Variants in PXK observed in about 807,000 individuals in gnomAD.
PXK encodes the protein PX domain containing serine/threonine kinase like, also known as PX domain-containing protein kinase-like protein.
In PXK, 35 loss-of-function variants were observed where a neutral mutation model predicts 84.7. The observed-to-expected ratio is 0.41, with a 90% CI of 0.32 to 0.55. The LOEUF (loss-of-function observed/expected upper bound fraction) is 0.55. Among genes scored for constraint, PXK ranks in the 20% least tolerant of loss-of-function variants. The probability of loss-of-function intolerance (pLI) is 0.21; values close to 1 mark genes in which losing one functional copy is unlikely to be tolerated. For synonymous variants in PXK, 253 were observed against 260.8 expected (o/e 0.97, Z 0.29); for missense variants, 634 against 699.7 (o/e 0.91, Z 1.06).
chr3:58,372,955 GA>G (rs760519539), intron 3 of PXK, among the ~76,000 whole-genome samples: 9 of 152,138 alleles, frequency 5.9e-5, no homozygotes, highest in Non-Finnish European at 1.0e-4. Flanking sequence ...ACAACGAAGG[GA>G]AAGAAGCAGG....
intron 17 of PXK, chr3:58,420,960 G>T: frequency 9.6e-7 from 1 of 1,042,340 alleles, no homozygotes; most frequent in Middle Eastern, 4.7e-4. Context: ...AGGCACTTGA[G>T]CTCTTAGTTA....
intron 1 of PXK, among the ~76,000 whole-genome samples, chr3:58,346,289 TG>T (rs1437259558): frequency 1.3e-5 from 2 of 151,256 alleles, no homozygotes. Context: ...ATTTGCTGTC[TG>T]TGTGCAAGGT....
intron 17 of PXK, among the ~76,000 whole-genome samples, chr3:58,418,381 A>G (rs954310518): frequency 5.3e-5 from 8 of 152,162 alleles, no homozygotes; most frequent in South Asian, 2.1e-4. Flanking sequence ...AGGTCACACA[A>G]GTTAGGGCGG....
chr3:58,415,531 C>G (rs1328265450), intron 17 of PXK, among the ~76,000 whole-genome samples: 3 of 152,238 alleles, frequency 2.0e-5, no homozygotes, highest in Non-Finnish European at 4.4e-5. Context: ...CTTCAGGAAC[C>G]TCCGCATGTT....
At chr3:58,394,152 C>G (rs984333184) in intron 7 of PXK, among the ~76,000 whole-genome samples, 1 of 152,176 alleles carries the variant, frequency 6.6e-6, no homozygotes, top group African/African-American at 2.4e-5. Context: ...CCTGGGTACA[C>G]CTTTCCACCC....
intron 1 of PXK, among the ~76,000 whole-genome samples, chr3:58,338,425 A>C (rs2097663531): frequency 6.6e-6 from 1 of 151,534 alleles, no homozygotes; most frequent in African/African-American, 2.4e-5. Flanking sequence ...AAGTTCGAGA[A>C]CAGCCTGGCC....
intron 1 of PXK, among the ~76,000 whole-genome samples, chr3:58,341,282 C>T (rs1257673732): frequency 6.6e-6 from 1 of 152,134 alleles, no homozygotes; most frequent in Non-Finnish European, 1.5e-5. Flanking sequence ...GTGTTTTGAG[C>T]CAGGCATGGT....
At chr3:58,366,354 G>C (rs975338149) in intron 2 of PXK, among the ~76,000 whole-genome samples, 2 of 152,222 alleles carry the variant, frequency 1.3e-5, no homozygotes, top group African/African-American at 4.8e-5. Context: ...GGCAGCTTCT[G>C]GTGCTAGCTC....
At position 58,414,474 on chromosome 3, in the gene PXK, A is replaced by T. The variant is rs2107658762; in HGVS notation, c.1528+1511A>T. On this transcript the variant is annotated intron_variant, in intron 17 of 17. Coordinates refer to ENST00000356151, the MANE Select transcript of PXK (RefSeq NM_017771.5). This position sits in a 1 kb window ranked among gnomAD's most constrained non-coding sequence, Gnocchi z 4.5. ...TCTGTGTTTAAATGGGTGCTGTCTC[A>T]TACAGTAGTAAGTTTGCGTGAGATA... The T allele has an allele frequency of 6.6e-6, 1 of 152,324 alleles. No homozygotes were observed. Among genetic ancestry groups the T allele is most frequent in the East Asian group, 1.9e-4 (1 of 5,176 alleles). The allele number at this position is 152,324 out of a possible 1,614,324, so 9.4% of individuals were successfully genotyped here.
Position 58,416,679 on chromosome 3 carries a change from C to T in PXK, c.1528+3716C>T, listed in dbSNP as rs112840825. 9.0e-3 allele frequency among the ~76,000 whole-genome samples: 1,377 copies of T among 152,224 alleles called. 23 individuals carry two copies. The highest frequency in any genetic ancestry group is 0.031 in the African/African-American group (1,289 of 41,528). ...TCTGTCACCCAGGCTGGAATACAGT[C>T]GTGAGATCTCGGCTCACTGCAACTT... is the stretch of plus-strand genomic sequence containing the variant. On this transcript the variant is annotated intron_variant, in intron 17 of 17. Transcript: ENST00000356151. The surrounding 1 kb of genome is among the most constrained non-coding windows in gnomAD (Gnocchi z 4.8).
At chr3:58,418,034 GTCTTGAGC>G (rs1415411382) in intron 17 of PXK, among the ~76,000 whole-genome samples, 1 of 152,084 alleles carries the variant, frequency 6.6e-6, no homozygotes, top group African/African-American at 2.4e-5. Context: ...GCCCAGTCTA[GTCTTGAGC>G]TCTGGGGCTC....
intron 1 of PXK, among the ~76,000 whole-genome samples, chr3:58,355,381 T>C (rs1478340423): frequency 6.6e-6 from 1 of 152,308 alleles, no homozygotes; most frequent in Non-Finnish European, 1.5e-5. Flanking sequence ...GCACATCTGA[T>C]AGCTGTGCCG....
chr3:58,395,091 C>A lies in PXK; in HGVS notation c.709C>A (p.Leu237Met). Residue 237 changes from leucine to methionine, a missense_variant, in exon 8 of 18, where the codon CTG becomes ATG. Around this residue, in one of 3 missense-constraint regions of PXK, gnomAD observed 353 missense variants for 385.2 expected, o/e 0.92. Transcript: ENST00000356151. ...TAACGAAAAGGGAACATTGAAGGAT[C>A]TGATCTACAAGGTACCTGTGCAAGT... is the stretch of plus-strand genomic sequence containing the variant. ...MFNEKGTLKD[L>M]IYKAKPKDPF... 6.2e-7 allele frequency: 1 copy of A among 1,608,920 alleles called. No individual in the cohort carries two copies. Among genetic ancestry groups the A allele is most frequent in the South Asian group, 1.1e-5 (1 of 90,944 alleles).
In PXK at chr3:58,397,146, A is replaced by G; in HGVS notation, c.930A>G (p.Leu310=). The G allele has an allele frequency of 6.2e-7, 1 of 1,614,094 alleles. No homozygotes were observed. The highest frequency in any genetic ancestry group is 8.5e-7 in the Non-Finnish European group (1 of 1,180,006). Residue 310 remains leucine (L), a synonymous_variant, in exon 10 of 18, where the codon TTA becomes TTG. Coordinates refer to ENST00000356151, the MANE Select transcript of PXK (RefSeq NM_017771.5). The surrounding 1 kb of genome is among the most constrained non-coding windows in gnomAD (Gnocchi z 4.7). ...TCRLLDLENS[L]LGLPSFYRSY... is the part of the protein sequence containing the mutation. ...GGCTGCTGGACCTTGAGAATTCCTT[A>G]TTGGGCCTGCCTTCCTTCTACCGAT...
At chr3:58,374,109 G>C (rs190169761) in intron 3 of PXK, among the ~76,000 whole-genome samples, 2 of 149,184 alleles carry the variant, frequency 1.3e-5, no homozygotes. Context: ...AATATAGTTT[G>C]TCATATAATT....
intron 9 of PXK, among the ~76,000 whole-genome samples, chr3:58,396,043 A>T (rs1217230396): frequency 6.6e-6 from 1 of 152,172 alleles, no homozygotes; most frequent in Non-Finnish European, 1.5e-5. Flanking sequence ...GTTGCTCTTT[A>T]TCCCCATGCC....
chr3:58,353,141 C>T (rs999677965), intron 1 of PXK, among the ~76,000 whole-genome samples: 4 of 151,968 alleles, frequency 2.6e-5, no homozygotes, highest in African/African-American at 4.8e-5. Context: ...GGACTACAGG[C>T]GCCCGCCACC....
chr3:58,379,819 A>ATGG lies in PXK; in HGVS notation c.202-2689_202-2687dup, dbSNP rs2098481212. On this transcript the variant is annotated intron_variant, in intron 3 of 17. Coordinates refer to ENST00000356151, the MANE Select transcript of PXK (RefSeq NM_017771.5). This position sits in a 1 kb window ranked among gnomAD's most constrained non-coding sequence, Gnocchi z 5.1. ...AGCGAAATACAAAAATTAGTCGGGC[A>ATGG]TGGTGGTGCACATCTGTAGTCCCAG... Among the ~76,000 whole-genome samples, 1 of 152,136 alleles carries ATGG rather than the reference A, an allele frequency of 6.6e-6. No homozygotes were observed.
At position 58,395,047 on chromosome 3, in the gene PXK, C is replaced by T. The variant is rs767748463; in HGVS notation, c.665C>T (p.Ala222Val). 59 of 1,613,536 alleles carry T rather than the reference C, an allele frequency of 3.7e-5. No homozygotes were observed. In the Admixed American group the frequency reaches 7.0e-4, roughly 19 times the overall value. The change falls in exon 8 of 18, where the codon GCG becomes GTG. Residue 222 changes from alanine to valine, a missense_variant. By Grantham distance (64) the Ala-to-Val change is moderately conservative. Transcript: ENST00000356151. ...TTTGCCACAGCTAATGAATCCTCAG[C>T]GTTGCTAATTAGGATGTTTAACGAA... ...VTFATANESS[A>V]LLIRMFNEKG... is the part of the protein sequence containing the mutation.
Sources: gnomAD v4.1 joint callset for allele counts (sites outside exome capture counted in the v4.1 genomes callset) on GRCh38, gnomAD v4.1.1 for gene constraint, gnomAD v4.1.1 regional missense constraint, Gnocchi (gnomAD v3.1) non-coding constraint, MANE v1.5 for transcripts, NCBI Gene and HGNC (gene_info 2026-07-23, HGNC 2026-07-21) for gene names.